The following TLN2 variants were observed in gnomAD, a reference collection of about 807,000 sequenced individuals.
TLN2 encodes the protein talin 2, also known as talin-2.
Under a neutral mutation model 294.7 loss-of-function variants are expected in TLN2, and 118 were observed. That is an observed-to-expected ratio of 0.40 (90% confidence interval 0.34 to 0.47). TLN2 has a LOEUF of 0.47. TLN2 is among the 20% of genes least tolerant of loss of function. The pLI is 0.84. For missense variants in TLN2, 3,083 were observed against 3,282.2 expected (o/e 0.94, Z 1.48); for synonymous variants, 1,431 against 1,304.5 (o/e 1.10, Z -2.09).
chr15:62,697,293 G>C (rs1316109143), intron 14 of TLN2, among the ~76,000 whole-genome samples: 3 of 152,112 alleles, frequency 2.0e-5, no homozygotes, highest in Admixed American at 6.5e-5. Context: ...ATTTTTTGTA[G>C]AGACGAGGTC....
chr15:62,574,837 A>T (rs1596197859), intron 1 of TLN2, among the ~76,000 whole-genome samples: 1 of 152,248 alleles, frequency 6.6e-6, no homozygotes, highest in Middle Eastern at 3.4e-3. Flanking sequence ...ATATAAAAAT[A>T]TAAGTGTTAC....
At position 62,836,032 on chromosome 15, in the gene TLN2, G is replaced by A; in HGVS notation, c.7333G>A (p.Val2445Met). The A allele has an allele frequency of 6.2e-7, 1 of 1,612,632 alleles. No individual in the cohort carries two copies. The highest frequency in any genetic ancestry group is 1.1e-5 in the South Asian group (1 of 90,742). Residue 2445 changes from valine to methionine, a missense_variant, in exon 57 of 59, where the codon GTG becomes ATG. Val to Met is a conservative substitution (Grantham distance 21). Transcript: ENST00000636159. ...STAQLLVACK[V>M]KADQDSEAMR... is the part of the protein sequence containing the mutation. ...GGCTCAGCTGCTGGTGGCCTGCAAG[G>A]TGAAGGCCGACCAGGATTCAGAGGC...
chr15:62,751,071 T>A (rs918338925), intron 34 of TLN2, among the ~76,000 whole-genome samples: 4 of 152,194 alleles, frequency 2.6e-5, no homozygotes, highest in African/African-American at 9.6e-5. Context: ...ATCTTAACCT[T>A]ACTCAACAAA....
chr15:62,408,277 T>C (rs2033545889), intron 1 of TLN2, among the ~76,000 whole-genome samples: 1 of 152,180 alleles, frequency 6.6e-6, no homozygotes, highest in African/African-American at 2.4e-5. Context: ...TTGTTATTGT[T>C]ATAAAATGTG....
rs78158786 is a variant in TLN2, at chr15:62,513,489, T to G, written c.-237-76198T>G. ...GTAAATGTTGGATTTCCTTCCTGTTTCGACAGGGAAATGTCTTATAGCCTG... is the reference window on the plus strand; with the variant it reads ...GTAAATGTTGGATTTCCTTCCTGTTGCGACAGGGAAATGTCTTATAGCCTG... On this transcript the variant is annotated intron_variant, in intron 1 of 58. Transcript: ENST00000636159. 3.9e-5 allele frequency among the ~76,000 whole-genome samples: 6 copies of G among 152,350 alleles called. No homozygotes were observed. The East Asian group carries it at 1.2e-3, about 29-fold the overall frequency.
At chr15:62,794,475 T>C (rs2065318000) in intron 46 of TLN2, among the ~76,000 whole-genome samples, 2 of 152,194 alleles carry the variant, frequency 1.3e-5, no homozygotes, top group Admixed American at 1.3e-4. Flanking sequence ...TTCTGGACTC[T>C]TTTTCTTTCA....
intron 1 of TLN2, among the ~76,000 whole-genome samples, chr15:62,450,902 T>C (rs1382207477): frequency 2.0e-5 from 3 of 151,958 alleles, no homozygotes; most frequent in African/African-American, 7.3e-5. Context: ...AGCTCAAATG[T>C]TGTTTCTCCG....
chr15:62,542,351 C>T (rs1213184374), intron 1 of TLN2, among the ~76,000 whole-genome samples: 1 of 110,082 alleles, frequency 9.1e-6, no homozygotes, highest in African/African-American at 4.5e-5. Context: ...GCCACCGTAC[C>T]TGGCTGATTT....
intron 1 of TLN2, among the ~76,000 whole-genome samples, chr15:62,432,090 T>C (rs2035040922): frequency 1.3e-5 from 2 of 152,208 alleles, no homozygotes; most frequent in Admixed American, 6.5e-5. Context: ...GCAGTTGGGC[T>C]GTATTCCTTC....
chr15:62,432,750 A>T (rs1047286795), intron 1 of TLN2, among the ~76,000 whole-genome samples: 2 of 152,156 alleles, frequency 1.3e-5, no homozygotes, highest in Admixed American at 1.3e-4. Flanking sequence ...TGCTCCTTCG[A>T]GTACATGTAT....
rs370005049 is a variant in TLN2, at chr15:62,702,781, T to C, written c.1921T>C (p.Leu641=). The C allele has an allele frequency of 7.4e-6, 12 of 1,614,084 alleles. No homozygotes were observed. Among genetic ancestry groups the C allele is most frequent in the Non-Finnish European group, 1.0e-5 (12 of 1,180,032 alleles). The part of the protein sequence containing the change: ...PTSGEPRQTV[L]TAAGSIGQAS... Reference sequence around the variant, plus strand: ...TTGTTCACAGCCTCGACAGACAGTTTTGACTGCTGCTGGCAGCATCGGACA... The same window carrying C: ...TTGTTCACAGCCTCGACAGACAGTTCTGACTGCTGCTGGCAGCATCGGACA... The change falls in exon 19 of 59, where the codon TTG becomes CTG. Residue 641 remains leucine (L), a synonymous_variant. Transcript: ENST00000636159.
chr15:62,692,053 G>A (rs2057965194), intron 12 of TLN2, among the ~76,000 whole-genome samples: 1 of 152,130 alleles, frequency 6.6e-6, no homozygotes. Flanking sequence ...GTAGTATTCT[G>A]GCCTACTTTT....
At chr15:62,613,412 C>T (rs775506781) in intron 2 of TLN2, among the ~76,000 whole-genome samples, 2 of 152,092 alleles carry the variant, frequency 1.3e-5, no homozygotes, top group Non-Finnish European at 2.9e-5. Context: ...CAGGGGATCC[C>T]GTGTCCTACA....
chr15:62,457,552 G>A (rs190872900), intron 1 of TLN2, among the ~76,000 whole-genome samples: 80 of 152,344 alleles, frequency 5.3e-4, no homozygotes, highest in Admixed American at 1.2e-3. Flanking sequence ...CAGACCTCCA[G>A]TGGCAGAAGT....
At chr15:62,588,451 C>T (rs899034485) in intron 1 of TLN2, among the ~76,000 whole-genome samples, 161 of 151,032 alleles carry the variant, frequency 1.1e-3, no homozygotes, top group Admixed American at 2.8e-3. Flanking sequence ...GCCTGGCCAA[C>T]GTAGTAAAAC....
intron 1 of TLN2, among the ~76,000 whole-genome samples, chr15:62,549,480 G>GCATCCATGCATCCATCCATCCATC (rs1555427562): frequency 5.7e-4 from 85 of 147,862 alleles, no homozygotes; most frequent in African/African-American, 2.1e-3. Context: ...TGCATGCCAT[G>GCATCCATGCATCCATCCATCCATC]CATCCATCCA....
intron 1 of TLN2, among the ~76,000 whole-genome samples, chr15:62,518,308 A>G (rs1340872843): frequency 6.6e-6 from 1 of 152,140 alleles, no homozygotes; most frequent in Non-Finnish European, 1.5e-5. Flanking sequence ...AAGTGCTGGG[A>G]TTATAGGCGT....
intron 37 of TLN2, among the ~76,000 whole-genome samples, chr15:62,761,145 T>A (rs936638627): frequency 6.6e-6 from 1 of 152,228 alleles, no homozygotes; most frequent in Admixed American, 6.5e-5. Context: ...GATTCCATTG[T>A]GTTCATTTCA....
At chr15:62,526,501 C>T (rs1020231427) in intron 1 of TLN2, among the ~76,000 whole-genome samples, 1 of 152,106 alleles carries the variant, frequency 6.6e-6, no homozygotes, top group Non-Finnish European at 1.5e-5. Flanking sequence ...CCTTCTGAGC[C>T]CCAGTGAAGC....
Sources: gnomAD v4.1 joint callset for allele counts (sites outside exome capture counted in the v4.1 genomes callset) on GRCh38, gnomAD v4.1.1 for gene constraint, MANE v1.5 for transcripts, NCBI Gene and HGNC (gene_info 2026-07-23, HGNC 2026-07-21) for gene names.